The following STOX2 variants were observed in gnomAD, a reference collection of about 807,000 sequenced individuals.
STOX2 encodes the protein storkhead box 2.
A neutral mutation model predicts 60.9 loss-of-function variants in STOX2; 28 were observed. The ratio of observed to expected loss-of-function variants is 0.46; its 90% CI spans 0.34 to 0.63. The LOEUF (loss-of-function observed/expected upper bound fraction) is 0.63. Ranked by LOEUF, STOX2 falls within the 30% of genes least tolerant of loss-of-function variation. The probability of loss-of-function intolerance (pLI) is 0.01; values close to 1 mark genes in which losing one functional copy is unlikely to be tolerated. For missense variants in STOX2, 1,024 were observed against 1,187.7 expected (o/e 0.86, Z 2.03); for synonymous variants, 472 against 463.9 (o/e 1.02, Z -0.22).
rs576737918 is a variant in STOX2, at chr4:183,916,537, A to G, written c.166+9581A>G. Among the ~76,000 whole-genome samples, 119 of 152,318 alleles carry G rather than the reference A, an allele frequency of 7.8e-4. 8 individuals are homozygous for G. Among genetic ancestry groups the G allele is most frequent in the Non-Finnish European group, 4.3e-4 (29 of 68,022 alleles). ...GTGAATTAATATGTGTAAAGCTCTT[A>G]GAACCAAGCTTGGTACAATGGAAGC... On this transcript the variant is annotated intron_variant, in intron 1 of 3. Transcript: ENST00000308497.
At chr4:183,920,107 A>AT (rs1742060537) in intron 1 of STOX2, among the ~76,000 whole-genome samples, 2 of 151,830 alleles carry the variant, frequency 1.3e-5, no homozygotes, top group African/African-American at 4.8e-5. Flanking sequence ...ATAACTTCTT[A>AT]TTTTTATTTA....
At chr4:183,931,869 A>T (rs1390800590) in intron 1 of STOX2, among the ~76,000 whole-genome samples, 1 of 152,220 alleles carries the variant, frequency 6.6e-6, no homozygotes, top group African/African-American at 2.4e-5. Flanking sequence ...GTAAATGAGA[A>T]ACTGTAGAGA....
At chr4:183,878,368 C>T (rs779524308) in intron 1 of STOX2, among the ~76,000 whole-genome samples, 3 of 152,174 alleles carry the variant, frequency 2.0e-5, no homozygotes, top group African/African-American at 4.8e-5. Flanking sequence ...TTTTTTGAAA[C>T]AGCTATTACT....
intron 1 of STOX2, among the ~76,000 whole-genome samples, chr4:183,878,330 T>G (rs942167743): frequency 2.6e-5 from 4 of 152,200 alleles, no homozygotes; most frequent in Non-Finnish European, 4.4e-5. Context: ...CTGCTCCAAG[T>G]TTATTCATTA....
At chr4:183,815,185 A>G (rs1401084408) in intron 1 of STOX2, among the ~76,000 whole-genome samples, 1 of 151,570 alleles carries the variant, frequency 6.6e-6, no homozygotes, top group Non-Finnish European at 1.5e-5. Flanking sequence ...TTAATAGAGA[A>G]GGAGTCTTGC....
intron 1 of STOX2, among the ~76,000 whole-genome samples, chr4:183,957,148 TATAATAATA>T (rs57935070): frequency 0.011 from 1,548 of 142,710 alleles, 18 homozygotes; most frequent in African/African-American, 0.035. Flanking sequence ...AAACTTAAAG[TATAATAATA>T]ATAATAATAA....
Position 183,832,593 on chromosome 4 carries a change from C to T in STOX2, c.364+34538C>T, listed in dbSNP as rs193197982. On this transcript the variant is annotated intron_variant, in intron 1 of 2. Transcript: ENST00000513034. ...GCAATCTCTGCCTCCTGGGTTCAAG[C>T]GATTCTCCTGCCTCAGCCTCCCAAG... Among the ~76,000 whole-genome samples, 1,176 of 147,312 alleles carry T rather than the reference C, an allele frequency of 8.0e-3. 11 individuals carry two copies. The highest frequency in any genetic ancestry group is 0.019 in the Middle Eastern group (5 of 268).
chr4:183,837,641 T>C (rs1369873620), intron 1 of STOX2, among the ~76,000 whole-genome samples: 2 of 151,996 alleles, frequency 1.3e-5, no homozygotes, highest in East Asian at 3.9e-4. Context: ...GTATTTTTGG[T>C]GGAGATGAGG....
Position 183,906,858 on chromosome 4 carries a change from C to T in STOX2, c.68C>T (p.Ser23Leu). The T allele has an allele frequency of 6.4e-7, 1 of 1,552,782 alleles. No homozygotes were observed. Among genetic ancestry groups the T allele is most frequent in the Non-Finnish European group, 8.7e-7 (1 of 1,147,828 alleles). The change falls in exon 1 of 4, where the codon TCG becomes TTG. Residue 23 changes from serine to leucine, a missense_variant. Physicochemically the swap from Ser to Leu is moderately radical, Grantham distance 145. This residue lies in a region of STOX2 where 98 missense variants were observed against 110.2 expected (regional missense o/e 0.89). Coordinates refer to ENST00000308497, the MANE Select transcript of STOX2 (RefSeq NM_020225.3). ...WPSSDFSDRA[S>L]DRMRSRSEKD... The stretch of plus-strand genomic sequence containing the variant: ...AGCTCGGATTTCTCGGACCGGGCCT[C>T]GGACCGCATGAGGTCCCGCAGCGAG...
At chr4:183,817,107 C>A (rs996516876) in intron 1 of STOX2, among the ~76,000 whole-genome samples, 27 of 152,218 alleles carry the variant, frequency 1.8e-4, no homozygotes, top group Admixed American at 1.7e-3. Flanking sequence ...CTACTGTTTT[C>A]TGCAGGTAGG....
chr4:183,861,321 AC>A (rs1313915100), intron 1 of STOX2, among the ~76,000 whole-genome samples: 1 of 151,488 alleles, frequency 6.6e-6, no homozygotes, highest in African/African-American at 2.4e-5. Flanking sequence ...GGGGGTCCTC[AC>A]CCTGCTGCAG....
intron 1 of STOX2, among the ~76,000 whole-genome samples, chr4:183,921,687 C>T (rs1406110233): frequency 6.6e-6 from 1 of 152,186 alleles, no homozygotes; most frequent in Non-Finnish European, 1.5e-5. Context: ...AAGGAAACCC[C>T]AGCTCTTTAG....
At chr4:183,949,932 C>T (rs948435004) in intron 1 of STOX2, among the ~76,000 whole-genome samples, 1 of 152,162 alleles carries the variant, frequency 6.6e-6, no homozygotes, top group Non-Finnish European at 1.5e-5. Flanking sequence ...TCACCTCTTC[C>T]CCACTTTTCT....
At chr4:183,979,278 C>T (rs1732564804) in intron 1 of STOX2, among the ~76,000 whole-genome samples, 1 of 152,154 alleles carries the variant, frequency 6.6e-6, no homozygotes, top group Non-Finnish European at 1.5e-5. Flanking sequence ...CTCAGAATAA[C>T]TCACTCACTC....
At chr4:183,954,064 G>A (rs987385886) in intron 1 of STOX2, among the ~76,000 whole-genome samples, 5 of 152,078 alleles carry the variant, frequency 3.3e-5, no homozygotes, top group South Asian at 2.1e-4. Flanking sequence ...CCCTTCCGTC[G>A]TCATTCGGGT....
intron 1 of STOX2, among the ~76,000 whole-genome samples, chr4:183,975,397 A>G (rs1732409875): frequency 6.6e-6 from 1 of 152,316 alleles, no homozygotes; most frequent in South Asian, 2.1e-4. Flanking sequence ...AAAATTAAAA[A>G]TCTGGTTTTT....
At chr4:183,914,203 C>T (rs1741864923) in intron 1 of STOX2, among the ~76,000 whole-genome samples, 1 of 151,994 alleles carries the variant, frequency 6.6e-6, no homozygotes, top group Non-Finnish European at 1.5e-5. Flanking sequence ...AGGAACTGGC[C>T]GTTCTTTGTA....
chr4:183,863,767 G>A (rs6824804), intron 1 of STOX2, among the ~76,000 whole-genome samples: 129,803 of 152,236 alleles, frequency 0.85, 55,473 homozygotes, highest in Admixed American at 0.9. Context: ...TAGATTGCTT[G>A]TAACCATTTA....
chr4:183,954,104 T>A (rs1743173999), intron 1 of STOX2, among the ~76,000 whole-genome samples: 1 of 152,154 alleles, frequency 6.6e-6, no homozygotes, highest in African/African-American at 2.4e-5. Context: ...TAAAAACTAA[T>A]TTTTGTAATT....
Sources: allele counts gnomAD v4.1 joint callset (sites outside exome capture counted in the v4.1 genomes callset), GRCh38; gene constraint gnomAD v4.1.1; regional missense constraint gnomAD v4.1.1; transcripts MANE v1.5; gene names NCBI Gene and HGNC (gene_info 2026-07-23, HGNC 2026-07-21).